The following ZNF350 variants were observed in gnomAD, a reference collection of about 807,000 sequenced individuals.
ZNF350 encodes the protein zinc finger protein 350, also known as KRAB zinc finger protein ZFQR.
A neutral mutation model predicts 13.1 loss-of-function variants in ZNF350; 5 were observed. The observed-to-expected ratio is 0.38, with a 90% CI of 0.20 to 0.80. ZNF350 has a LOEUF of 0.80. Ranked by LOEUF, ZNF350 falls within the 30% of genes least tolerant of loss-of-function variation. The probability of loss-of-function intolerance (pLI) is 0.43; values close to 1 mark genes in which losing one functional copy is unlikely to be tolerated. For missense variants in ZNF350, 534 were observed against 644.2 expected, an observed-to-expected ratio of 0.83 and a Z score of 1.85; for synonymous variants, 199 against 224.2, an observed-to-expected ratio of 0.89 and a Z score of 1.00.
In ZNF350 at chr19:51,965,460, C is replaced by T. The variant is rs951311491; in HGVS notation, c.993G>A (p.Thr331=). The T allele has an allele frequency of 5.0e-6, 8 of 1,614,044 alleles. No individual in the cohort carries two copies. Among genetic ancestry groups the T allele is most frequent in the East Asian group, 2.2e-5 (1 of 44,844 alleles). The part of the protein sequence containing the change: ...NECGKGFIQK[T]CLIAHQRFHT... ...GAAATCTCTGATGTGCTATGAGACA[C>T]GTCTTCTGAATGAAGCCTTTTCCAC... Residue 331 remains threonine (T), a synonymous_variant, in exon 5 of 5, where the codon ACG becomes ACA. Transcript: ENST00000243644.
At chr19:51,981,277 C>T (rs2086035798) in intron 1 of ZNF350, 1 of 147,494 alleles carries the variant, frequency 6.8e-6, no homozygotes, top group South Asian at 2.3e-4. Flanking sequence ...CCTCCTATCT[C>T]TTTTGCCTAA....
chr19:51,965,726 A>G lies in ZNF350; in HGVS notation c.727T>C (p.Phe243Leu), dbSNP rs140673574. The G allele has an allele frequency of 6.2e-6, 10 of 1,613,856 alleles. No individual in the cohort carries two copies. In the African/African-American group the frequency reaches 1.3e-4, roughly 22 times the overall value. ...TCAGTAAGCATGAACTTTCTGGAGAAGGCTTTCTCACATAGACTACATCTG... is the reference window on the plus strand; with the variant it reads ...TCAGTAAGCATGAACTTTCTGGAGAGGGCTTTCTCACATAGACTACATCTG... Reference protein sequence around the residue: ...PHRCSLCEKAFSRKFMLTEHQ... With the variant: ...PHRCSLCEKALSRKFMLTEHQ... Residue 243 changes from phenylalanine (F) to leucine (L), a missense_variant, in exon 5 of 5, where the codon TTC becomes CTC. Phe to Leu is a conservative substitution (Grantham distance 22). Transcript: ENST00000243644.
At chr19:51,972,294 A>T (rs764667523) in intron 2 of ZNF350, among the ~76,000 whole-genome samples, 1 of 131,366 alleles carries the variant, frequency 7.6e-6, no homozygotes, top group Non-Finnish European at 1.6e-5. Flanking sequence ...CATCTCAATT[A>T]AAAAAAAAAA....
At chr19:51,981,610 A>G (rs764191844) in intron 1 of ZNF350, among the ~76,000 whole-genome samples, 1 of 152,200 alleles carries the variant, frequency 6.6e-6, no homozygotes, top group Non-Finnish European at 1.5e-5. Context: ...AAGCTTGAGA[A>G]TAAAAGGTTG....
chr19:51,968,410 G>C lies in ZNF350; in HGVS notation c.238+168C>G. On this transcript the variant is annotated intron_variant, in intron 4 of 4. Transcript: ENST00000243644. ...AGATAAAGAGTTTTTGTTTTGTTTT[G>C]TTTTTTTTTAACTCTAAATTCCTAC... 5 of 624,816 alleles carry C rather than the reference G, an allele frequency of 8.0e-6. No individual in the cohort carries two copies. The South Asian group carries it at 9.5e-5, about 12-fold the overall frequency. The allele number at this position is 624,816 out of a possible 1,614,324, so 38.7% of individuals were successfully genotyped here. A position where few individuals can be genotyped will look rare whatever the true frequency, so the allele number is the denominator to read the frequency against.
intron 2 of ZNF350, among the ~76,000 whole-genome samples, chr19:51,972,248 G>A (rs1178816942): frequency 2.0e-5 from 3 of 149,034 alleles, no homozygotes; most frequent in Non-Finnish European, 3.0e-5. Flanking sequence ...TTGAGCCCAG[G>A]AGTTCAAGAG....
chr19:51,986,262 G>A (rs2086156346), intron 1 of ZNF350, among the ~76,000 whole-genome samples: 1 of 151,978 alleles, frequency 6.6e-6, no homozygotes, highest in Admixed American at 6.6e-5. Flanking sequence ...CAGTAACCGA[G>A]GTTCGAACCT....
intron 2 of ZNF350, among the ~76,000 whole-genome samples, chr19:51,972,683 A>G (rs2085774959): frequency 6.6e-6 from 1 of 150,614 alleles, no homozygotes; most frequent in Non-Finnish European, 1.5e-5. Context: ...ATAGATTCAT[A>G]TATACTCACA....
intron 2 of ZNF350, among the ~76,000 whole-genome samples, chr19:51,970,078 T>TTTTTTTA (rs2085692616): frequency 6.7e-6 from 1 of 149,206 alleles, no homozygotes; most frequent in Admixed American, 6.7e-5. Context: ...TTTTTTTTTT[T>TTTTTTTA]GAGACGGAGT....
At position 51,976,778 on chromosome 19, in the gene ZNF350, AC is replaced by A. The variant is rs1224374334; in HGVS notation, c.-171-2248del. 2 of 152,142 alleles carry A rather than the reference AC, an allele frequency of 1.3e-5. No individual in the cohort carries two copies. The highest frequency in any genetic ancestry group is 4.8e-5 in the African/African-American group (2 of 41,416). 9.4% of individuals were successfully genotyped at this position (152,142 alleles called of 1,614,324 possible). On this transcript the variant is annotated intron_variant, in intron 1 of 4. Coordinates refer to ENST00000243644, the MANE Select transcript of ZNF350 (RefSeq NM_021632.4). The surrounding 1 kb of genome is among the most constrained non-coding windows in gnomAD (Gnocchi z 4.5). ...AAGCCACAAAAGGTTATTACACATAACCCATCGTTTCCACAGGCAGGCACTC... is the reference window on the plus strand; with the variant it reads ...AAGCCACAAAAGGTTATTACACATAACCATCGTTTCCACAGGCAGGCACTC...
rs2085891800 is a variant in ZNF350 at position 51,976,177 on chromosome 19, A to ATCTAGAGAATGCAGTCTTGCAAGACTAC, written c.-171-1674_-171-1647dup. Among the ~76,000 whole-genome samples the ATCTAGAGAATGCAGTCTTGCAAGACTAC allele has an allele frequency of 6.6e-6, 1 of 151,318 alleles. No individual in the cohort carries two copies. Among genetic ancestry groups the ATCTAGAGAATGCAGTCTTGCAAGACTAC allele is most frequent in the African/African-American group, 2.4e-5 (1 of 41,072 alleles). ...CCCTGGCGCCGTTATCTACTGCGAC[A>ATCTAGAGAATGCAGTCTTGCAAGACTAC]TCTAGAGAATGCAGTCTTGCAAGAC... On this transcript the variant is annotated intron_variant, in intron 1 of 4. Transcript: ENST00000243644. This position sits in a 1 kb window ranked among gnomAD's most constrained non-coding sequence, Gnocchi z 4.5.
Position 51,968,236 on chromosome 19 carries a change from T to C in ZNF350, c.238+342A>G, listed in dbSNP as rs1462363045. ...TCCGAAAACAGTGAGGACTTCAAAG[T>C]TTCCTCTTTGGAAAGAGGCCTGGAA... On this transcript the variant is annotated intron_variant, in intron 4 of 4. Coordinates refer to ENST00000243644, the MANE Select transcript of ZNF350 (RefSeq NM_021632.4). 2.0e-5 allele frequency among the ~76,000 whole-genome samples: 3 copies of C among 152,092 alleles called. No homozygotes were observed. The East Asian group carries it at 5.8e-4, about 29-fold the overall frequency.
Position 51,968,489 on chromosome 19 carries a change from T to C in ZNF350, c.238+89A>G, listed in dbSNP as rs192298919. The C allele has an allele frequency of 1.7e-4, 189 of 1,121,668 alleles. No individual in the cohort carries two copies. In the East Asian group the frequency reaches 4.3e-3, roughly 26 times the overall value. 69.5% of individuals were successfully genotyped at this position (1,121,668 alleles called of 1,614,324 possible). On this transcript the variant is annotated intron_variant, in intron 4 of 4. Coordinates refer to ENST00000243644, the MANE Select transcript of ZNF350 (RefSeq NM_021632.4). The stretch of plus-strand genomic sequence containing the variant: ...CAGATGAGTAGAGGAACTGTTTACA[T>C]ATCCTCAAACCCCCTTCACAGCTGT...
chr19:51,968,549 ATAGCCTTCTGTCTTG>A lies in ZNF350; in HGVS notation c.238+14_238+28del. ...TCTGACTGTCTAGAATGTGACTTCCATAGCCTTCTGTCTTGTGGGTTCTCTCACCTGAACAGGCTC... is the reference window on the plus strand; with the variant it reads ...TCTGACTGTCTAGAATGTGACTTCCATGGGTTCTCTCACCTGAACAGGCTC... On this transcript the variant is annotated intron_variant, in intron 4 of 4. Coordinates refer to ENST00000243644, the MANE Select transcript of ZNF350 (RefSeq NM_021632.4). The A allele has an allele frequency of 6.2e-7, 1 of 1,600,410 alleles. No individual in the cohort carries two copies. Among genetic ancestry groups the A allele is most frequent in the Non-Finnish European group, 8.6e-7 (1 of 1,167,618 alleles).
chr19:51,968,679 C>T lies in ZNF350; in HGVS notation c.143-6G>A, dbSNP rs766815138. On this transcript the variant is annotated splice_region_variant and splice_polypyrimidine_tract_variant and intron_variant, in intron 3 of 4. Transcript: ENST00000243644. ...CGGTTTGCTGGCTTGATACCCTGTT[C>T]ATGGAAAATGATAGAGGACTTAGAC... The T allele has an allele frequency of 2.5e-6, 4 of 1,613,726 alleles. No homozygotes were observed. Among genetic ancestry groups the T allele is most frequent in the East Asian group, 4.5e-5 (2 of 44,882 alleles).
intron 1 of ZNF350, among the ~76,000 whole-genome samples, chr19:51,984,399 A>G (rs932741571): frequency 2.1e-4 from 32 of 152,214 alleles, no homozygotes; most frequent in African/African-American, 7.5e-4. Flanking sequence ...AAAGCACCCT[A>G]TAAAGCAAAC....
intron 3 of ZNF350, 48 bp downstream of exon 3, chr19:51,968,956 AG>A: frequency 6.2e-7 from 1 of 1,613,792 alleles, no homozygotes; most frequent in Non-Finnish European, 8.5e-7. Context: ...TGAGAAAGGA[AG>A]GCCACTGACT....
At chr19:51,981,866 T>C (rs1189025569) in intron 1 of ZNF350, 1 of 152,102 alleles carries the variant, frequency 6.6e-6, no homozygotes, top group Non-Finnish European at 1.5e-5. Context: ...CTAAAGACTT[T>C]AACAGACCTT....
chr19:51,966,324 TC>T, intron 4 of ZNF350, 110 bp from the exon 5 acceptor site: 1 of 1,191,598 alleles, frequency 8.4e-7, no homozygotes, highest in Non-Finnish European at 1.1e-6. Context: ...TACTCCGTTG[TC>T]CAGGCTGGAG....
Sources: allele counts gnomAD v4.1 joint callset (sites outside exome capture counted in the v4.1 genomes callset), GRCh38; gene constraint gnomAD v4.1.1; non-coding constraint Gnocchi (gnomAD v3.1); transcripts MANE v1.5; gene names NCBI Gene and HGNC (gene_info 2026-07-23, HGNC 2026-07-21).